STK33: variants seen among roughly 807,000 people sequenced by gnomAD.
STK33 encodes serine/threonine-protein kinase 33.
STK33 carries 52 observed loss-of-function variants against 58.0 expected under a neutral mutation model. The ratio of observed to expected loss-of-function variants is 0.90; its 90% CI spans 0.72 to 1.13. The LOEUF is 1.13. STK33 is among the 50% of genes most tolerant of loss of function. The pLI is 0.00. For synonymous variants in STK33, 215 were observed against 200.1 expected (o/e 1.07, Z -0.63); for missense variants, 630 against 604.2 (o/e 1.04, Z -0.45).
chr11:8,574,193 C>T (rs779271824), intron 1 of STK33, among the ~76,000 whole-genome samples: 3 of 152,252 alleles, frequency 2.0e-5, no homozygotes, highest in Non-Finnish European at 4.4e-5. Flanking sequence ...ACTATATACA[C>T]GCATACACAA....
the STK33 span, among the ~76,000 whole-genome samples, chr11:8,348,052 C>G: frequency 2.6e-5 from 4 of 152,166 alleles, no homozygotes; most frequent in African/African-American, 9.7e-5. Flanking sequence ...ACTGGGAAGG[C>G]CCCAACCCCA....
chr11:8,512,085 G>C (rs920056738), intron 1 of STK33, among the ~76,000 whole-genome samples: 71 of 151,816 alleles, frequency 4.7e-4, no homozygotes, highest in Non-Finnish European at 1.5e-4. Flanking sequence ...TCTTCTTTAA[G>C]TAGATTATGC....
At chr11:8,375,664 G>A in the STK33 span, among the ~76,000 whole-genome samples, 1 of 152,088 alleles carries the variant, frequency 6.6e-6, no homozygotes, top group African/African-American at 2.4e-5. Context: ...AGCCATGGGG[G>A]TGGTTTCCCC....
At chr11:8,552,863 A>G (rs990081434) in intron 1 of STK33, among the ~76,000 whole-genome samples, 6 of 152,012 alleles carry the variant, frequency 3.9e-5, no homozygotes, top group African/African-American at 1.2e-4. Flanking sequence ...AACAAAGAGT[A>G]TAATATATGC....
intron 11 of STK33, among the ~76,000 whole-genome samples, chr11:8,445,937 A>C (rs1003525764): frequency 6.6e-6 from 1 of 152,192 alleles, no homozygotes; most frequent in Non-Finnish European, 1.5e-5. Flanking sequence ...TGTTTGGAAT[A>C]GTTTCAGAAG....
intron 1 of STK33, among the ~76,000 whole-genome samples, chr11:8,514,657 A>G (rs1242474862): frequency 6.6e-6 from 1 of 152,216 alleles, no homozygotes; most frequent in Non-Finnish European, 1.5e-5. Flanking sequence ...TCTAAAATTG[A>G]GTTGACGTGA....
At chr11:8,378,096 G>GT in the STK33 span, among the ~76,000 whole-genome samples, 1 of 152,188 alleles carries the variant, frequency 6.6e-6, no homozygotes, top group Non-Finnish European at 1.5e-5. Flanking sequence ...AAGGAAAGAG[G>GT]TTTAATTGAC....
At chr11:8,444,725 A>G (rs1945203065) in intron 11 of STK33, among the ~76,000 whole-genome samples, 1 of 152,166 alleles carries the variant, frequency 6.6e-6, no homozygotes, top group South Asian at 2.1e-4. Context: ...ATAAATTATC[A>G]AAATGATTCA....
chr11:8,467,854 C>T (rs757512020), intron 6 of STK33, among the ~76,000 whole-genome samples: 19 of 151,700 alleles, frequency 1.3e-4, no homozygotes, highest in Admixed American at 3.3e-4. Context: ...CTGAGGCACA[C>T]GAATTGCTTG....
intron 2 of STK33, among the ~76,000 whole-genome samples, chr11:8,477,490 T>A (rs1179839128): frequency 6.6e-6 from 1 of 152,170 alleles, no homozygotes; most frequent in Non-Finnish European, 1.5e-5. Flanking sequence ...GTACTTTTTA[T>A]AAGAAATTGT....
downstream of STK33, among the ~76,000 whole-genome samples, chr11:8,388,509 GAA>G (rs1290554134): frequency 6.6e-6 from 1 of 152,252 alleles, no homozygotes; most frequent in Non-Finnish European, 1.5e-5. Flanking sequence ...GCAGGATCCT[GAA>G]GAGTACAACT....
chr11:8,337,429 T>C, the STK33 span, among the ~76,000 whole-genome samples: 865 of 152,260 alleles, frequency 5.7e-3, 3 homozygotes, highest in African/African-American at 0.019. Flanking sequence ...AGGATGCTGG[T>C]GGCAGCCAAC....
At chr11:8,339,129 A>AT in the STK33 span, among the ~76,000 whole-genome samples, 1 of 152,186 alleles carries the variant, frequency 6.6e-6, no homozygotes, top group Non-Finnish European at 1.5e-5. Flanking sequence ...AGGGAAGGCT[A>AT]TAGGCTGTGG....
the STK33 span, among the ~76,000 whole-genome samples, chr11:8,384,691 C>T: frequency 1.3e-5 from 2 of 152,302 alleles, no homozygotes; most frequent in East Asian, 1.9e-4. Context: ...CTGTCTGCTT[C>T]GGCGATCACA....
chr11:8,388,892 C>T (rs1424533001), downstream of STK33, among the ~76,000 whole-genome samples: 1 of 152,226 alleles, frequency 6.6e-6, no homozygotes, highest in Non-Finnish European at 1.5e-5. Context: ...CCAGCCCCTC[C>T]CCAACCCTTA....
intron 1 of STK33, among the ~76,000 whole-genome samples, chr11:8,574,896 AT>A (rs1388333465): frequency 6.6e-6 from 1 of 151,594 alleles, no homozygotes; most frequent in African/African-American, 2.4e-5. Context: ...AAAAAAAAAA[AT>A]AGCCAAGTCT....
chr11:8,420,008 A>G (rs1304537079), intron 14 of STK33, among the ~76,000 whole-genome samples: 2 of 152,056 alleles, frequency 1.3e-5, no homozygotes, highest in Non-Finnish European at 2.9e-5. Context: ...GAGTCTCACT[A>G]TGTTGCCTAA....
intron 1 of STK33, among the ~76,000 whole-genome samples, chr11:8,563,100 C>T (rs180947899): frequency 2.0e-5 from 3 of 152,230 alleles, no homozygotes; most frequent in Admixed American, 1.3e-4. Flanking sequence ...CTTAAGTCGC[C>T]TCCCATAGTG....
chr11:8,489,212 A>C (rs1300194320), intron 1 of STK33, among the ~76,000 whole-genome samples: 1 of 149,734 alleles, frequency 6.7e-6, no homozygotes, highest in Admixed American at 6.8e-5. Flanking sequence ...AGCTATGATC[A>C]CACTACTACA....
Sources: allele counts gnomAD v4.1 joint callset (sites outside exome capture counted in the v4.1 genomes callset), GRCh38; gene constraint gnomAD v4.1.1; transcripts MANE v1.5; gene names NCBI Gene and HGNC (gene_info 2026-07-23, HGNC 2026-07-21).